The following ABCB9 variants were observed in gnomAD, a reference collection of about 807,000 sequenced individuals.
ABCB9 encodes the protein ATP binding cassette subfamily B member 9.
A neutral mutation model predicts 62.0 loss-of-function variants in ABCB9; 36 were observed. The ratio of observed to expected loss-of-function variants is 0.58; its 90% confidence interval spans 0.45 to 0.77. The LOEUF (loss-of-function observed/expected upper bound fraction) is 0.77, where lower values mean the gene tolerates loss of function less well. Ranked by LOEUF, ABCB9 falls within the 30% of genes least tolerant of loss-of-function variation. ABCB9 has a pLI of 0.00. For synonymous variants in ABCB9, 435 were observed against 461.4 expected, an observed-to-expected ratio of 0.94 and a Z score of 0.73; for missense variants, 943 against 1,054.7, an observed-to-expected ratio of 0.89 and a Z score of 1.47.
rs1179016895 is a variant in ABCB9, at chr12:122,944,538, G to T, written c.1252-19C>A. ...GTGTGAGCTGGGGCAGAGGGAGAGG[G>T]GATGTGGGTCGAGGGGACCTTAGAT... On this transcript the variant is annotated intron_variant, in intron 6 of 11. Coordinates refer to ENST00000280560, the MANE Select transcript of ABCB9 (RefSeq NM_019625.4). This position sits in a 1 kb window ranked among gnomAD's most constrained non-coding sequence, Gnocchi z 4.9. 6.2e-7 allele frequency: 1 copy of T among 1,612,864 alleles called. No homozygotes were observed. Among genetic ancestry groups the T allele is most frequent in the South Asian group, 1.1e-5 (1 of 91,048 alleles).
upstream of ABCB9, among the ~76,000 whole-genome samples, chr12:122,968,412 T>C (rs1456747607): frequency 6.6e-6 from 1 of 152,180 alleles, no homozygotes; most frequent in East Asian, 1.9e-4. Context: ...GCCCCTGGCA[T>C]GTGATAAACT....
In ABCB9 at chr12:122,932,474, C is replaced by A; in HGVS notation, c.1904-146G>T. The stretch of plus-strand genomic sequence containing the variant: ...CTCATGAAATGATGTTCCCCCCACC[C>A]AACTCATAAGGGGCATGCAGATTAA... On this transcript the variant is annotated intron_variant, in intron 10 of 11. Transcript: ENST00000280560. This position sits in a 1 kb window ranked among gnomAD's most constrained non-coding sequence, Gnocchi z 4.7. The A allele has an allele frequency of 8.9e-7, 1 of 1,117,736 alleles. No homozygotes were observed. Among genetic ancestry groups the A allele is most frequent in the Non-Finnish European group, 1.2e-6 (1 of 809,246 alleles). The allele number at this position is 1,117,736 out of a possible 1,614,324, so 69.2% of individuals were successfully genotyped here.
chr12:122,943,352 CT>C (rs2035866866), intron 7 of ABCB9, among the ~76,000 whole-genome samples: 1 of 152,206 alleles, frequency 6.6e-6, no homozygotes, highest in Admixed American at 6.5e-5. Context: ...CACGCCAATT[CT>C]GTCTCAGGAT....
intron 11 of ABCB9, among the ~76,000 whole-genome samples, chr12:122,923,170 A>G (rs1190192870): frequency 6.8e-6 from 1 of 147,840 alleles, no homozygotes; most frequent in Non-Finnish European, 1.5e-5. Flanking sequence ...TGGCGCCATC[A>G]TGGCTCACTG....
At position 122,947,854 on chromosome 12, in the gene ABCB9, A is replaced by C. The variant is rs1276428761; in HGVS notation, c.1053+770T>G. 1 of 158,806 alleles carries C rather than the reference A, an allele frequency of 6.3e-6. No homozygotes were observed. The highest frequency in any genetic ancestry group is 1.4e-5 in the Non-Finnish European group (1 of 71,088). The allele number at this position is 158,806 out of a possible 1,614,324, so 9.8% of individuals were successfully genotyped here. A position where few individuals can be genotyped will look rare whatever the true frequency, so the allele number is the denominator to read the frequency against. ...TTTTCACTGGCTGTGCCCTCTGCTCAGCACATACCTCCCAAGATGCCCGCC... is the reference window on the plus strand; with the variant it reads ...TTTTCACTGGCTGTGCCCTCTGCTCCGCACATACCTCCCAAGATGCCCGCC... On this transcript the variant is annotated intron_variant, in intron 5 of 11. Coordinates refer to ENST00000280560, the MANE Select transcript of ABCB9 (RefSeq NM_019625.4). This position sits in a 1 kb window ranked among gnomAD's most constrained non-coding sequence, Gnocchi z 6.0.
intron 6 of ABCB9, among the ~76,000 whole-genome samples, chr12:122,945,077 T>C (rs572767081): frequency 1.3e-5 from 2 of 152,248 alleles, no homozygotes; most frequent in Admixed American, 6.5e-5. Context: ...TAGGCTGCTG[T>C]CTGGACCACC....
chr12:122,929,703 T>C lies in ABCB9; in HGVS notation c.*208A>G. The C allele has an allele frequency of 7.7e-7, 1 of 1,301,322 alleles. No homozygotes were observed. Among genetic ancestry groups the C allele is most frequent in the Non-Finnish European group, 9.8e-7 (1 of 1,022,482 alleles). 80.6% of individuals were successfully genotyped at this position (1,301,322 alleles called of 1,614,324 possible). On this transcript the variant is annotated 3_prime_UTR_variant, in exon 12 of 12. Transcript: ENST00000280560. The surrounding 1 kb of genome is among the most constrained non-coding windows in gnomAD (Gnocchi z 6.0). Reference sequence around the variant, plus strand: ...GAGGCTAGGGAGGTCCGTGAAGGCGTTGGCTCAGGGCAGCAGGGGTAAGGA... The same window carrying C: ...GAGGCTAGGGAGGTCCGTGAAGGCGCTGGCTCAGGGCAGCAGGGGTAAGGA...
In ABCB9 at chr12:122,948,795, G is replaced by C. The variant is rs1212989065; in HGVS notation, c.882C>G (p.Thr294=). ...DLISRLTSDT[T]MVSDLVSQNI... is the part of the protein sequence containing the mutation. The stretch of plus-strand genomic sequence containing the variant: ...TCTGGGAGACCAGGTCGCTGACCAT[G>C]GTGGTGTCCGAGGTCAGGCGGGAGA... The change falls in exon 5 of 12, where the codon ACC becomes ACG. Residue 294 remains threonine, a synonymous_variant. Transcript: ENST00000280560. The C allele has an allele frequency of 1.3e-6, 2 of 1,596,700 alleles. No individual in the cohort carries two copies. The highest frequency in any genetic ancestry group is 8.5e-7 in the Non-Finnish European group (1 of 1,170,926).
intron 2 of ABCB9, among the ~76,000 whole-genome samples, chr12:122,958,814 C>T (rs966718008): frequency 2.6e-5 from 4 of 152,066 alleles, no homozygotes; most frequent in African/African-American, 9.7e-5. Flanking sequence ...TGCACTACAG[C>T]CTGGGCAACA....
Position 122,944,975 on chromosome 12 carries a change from G to A in ABCB9, c.1252-456C>T, listed in dbSNP as rs937689921. Among the ~76,000 whole-genome samples the A allele has an allele frequency of 2.6e-5, 4 of 152,208 alleles. No individual in the cohort carries two copies. Among genetic ancestry groups the A allele is most frequent in the Admixed American group, 6.5e-5 (1 of 15,282 alleles). On this transcript the variant is annotated intron_variant, in intron 6 of 11. Transcript: ENST00000280560. This position sits in a 1 kb window ranked among gnomAD's most constrained non-coding sequence, Gnocchi z 4.9. ...CCCATGCCTTCCTCCTGTGCCTGGG[G>A]GGCATCTGGGAAGGGAGTGGAGTCT...
intron 9 of ABCB9, chr12:122,939,538 CT>C (rs971447927): frequency 2.0e-5 from 3 of 152,118 alleles, no homozygotes; most frequent in Non-Finnish European, 2.9e-5. Context: ...TGTTCTATTT[CT>C]TTTTTTTCAT....
In ABCB9 at chr12:122,940,354, G is replaced by A; in HGVS notation, c.1570-70C>T. On this transcript the variant is annotated intron_variant, in intron 8 of 11. Coordinates refer to ENST00000280560, the MANE Select transcript of ABCB9 (RefSeq NM_019625.4). This position sits in a 1 kb window ranked among gnomAD's most constrained non-coding sequence, Gnocchi z 4.8. ...CCCAGGACTGGATGCCCTGACCTTG[G>A]ACACAGGTGGGTGCCCTTCCCAGCC... is the stretch of plus-strand genomic sequence containing the variant. The A allele has an allele frequency of 6.7e-7, 1 of 1,501,662 alleles. No individual in the cohort carries two copies. The highest frequency in any genetic ancestry group is 8.9e-7 in the Non-Finnish European group (1 of 1,123,440). The allele number at this position is 1,501,662 out of a possible 1,614,324, so 93.0% of individuals were successfully genotyped here.
chr12:122,948,335 T>C, intron 5 of ABCB9: 1 of 281,206 alleles, frequency 3.6e-6, no homozygotes, highest in Non-Finnish European at 6.7e-6. Flanking sequence ...TACTGTATTG[T>C]GGATTCTCAT....
intron 10 of ABCB9, among the ~76,000 whole-genome samples, chr12:122,934,675 T>C (rs1488952988): frequency 5.3e-5 from 8 of 150,960 alleles, no homozygotes; most frequent in Admixed American, 5.3e-4. Context: ...ACTAAAAATA[T>C]ATAAAACTCT....
At chr12:122,927,971 A>T (rs544669152), downstream of ABCB9, among the ~76,000 whole-genome samples, 2 of 152,318 alleles carry the variant, frequency 1.3e-5, no homozygotes, top group Admixed American at 6.5e-5. Context: ...GGAAGTCCTG[A>T]GGTTAACTTC....
At position 122,959,699 on chromosome 12, in the gene ABCB9, G is replaced by A. The variant is rs752070560; in HGVS notation, c.537C>T (p.Ser179=). 1.4e-5 allele frequency: 23 copies of A among 1,608,360 alleles called. No homozygotes were observed. Among genetic ancestry groups the A allele is most frequent in the Non-Finnish European group, 2.0e-5 (23 of 1,176,418 alleles). The change falls in exon 2 of 12, where the codon TCC becomes TCT. Residue 179 remains serine (S), a synonymous_variant. Transcript: ENST00000280560. This position sits in a 1 kb window ranked among gnomAD's most constrained non-coding sequence, Gnocchi z 5.4. ...ASGATLQKLL[S]YTKPDVAFLV... ...GGAAGGCCACGTCGGGCTTGGTGTA[G>A]GAGAGCAGCTTCTGCAGCGTGGCCC...
chr12:122,930,181 C>T lies in ABCB9; in HGVS notation c.2041-10G>A, dbSNP rs1434001896. 1 of 1,537,246 alleles carries T rather than the reference C, an allele frequency of 6.5e-7. No individual in the cohort carries two copies. Among genetic ancestry groups the T allele is most frequent in the Non-Finnish European group, 8.8e-7 (1 of 1,137,370 alleles). ...GGATGGCCTGCTGGATCTGCGGGGA[C>T]AGTGGGGGCCTGGCTTGCATGGCAC... On this transcript the variant is annotated splice_polypyrimidine_tract_variant and intron_variant, in intron 11 of 11. Coordinates refer to ENST00000280560, the MANE Select transcript of ABCB9 (RefSeq NM_019625.4). The surrounding 1 kb of genome is among the most constrained non-coding windows in gnomAD (Gnocchi z 4.9).
chr12:122,928,075 T>G (rs1351046598), downstream of ABCB9, among the ~76,000 whole-genome samples: 1 of 151,890 alleles, frequency 6.6e-6, no homozygotes, highest in Non-Finnish European at 1.5e-5. Flanking sequence ...GTGACCGTAT[T>G]TGGAAAAAAG....
rs1593978738 is a variant in ABCB9, at chr12:122,932,158, C to T, written c.2040+34G>A. 5 of 1,550,956 alleles carry T rather than the reference C, an allele frequency of 3.2e-6. No individual in the cohort carries two copies. In the East Asian group the frequency reaches 9.8e-5, roughly 30 times the overall value. On this transcript the variant is annotated intron_variant, in intron 11 of 11. Transcript: ENST00000280560. This position sits in a 1 kb window ranked among gnomAD's most constrained non-coding sequence, Gnocchi z 4.7. ...GGGCTCTGGCCACCTGGAGCCGCTC[C>T]TGCCCCCGCATTGCCCACCACCCTG...
Sources: allele counts gnomAD v4.1 joint callset (sites outside exome capture counted in the v4.1 genomes callset), GRCh38; gene constraint gnomAD v4.1.1; non-coding constraint Gnocchi (gnomAD v3.1); transcripts MANE v1.5; gene names NCBI Gene and HGNC (gene_info 2026-07-23, HGNC 2026-07-21).